ABHD8: variants seen among roughly 807,000 people sequenced by gnomAD.
ABHD8 encodes abhydrolase domain containing 8, also known as protein ABHD8.
A neutral mutation model predicts 29.3 loss-of-function variants in ABHD8; 10 were observed. The ratio of observed to expected loss-of-function variants is 0.34; its 90% CI spans 0.21 to 0.58. The LOEUF is 0.58. Among genes scored for constraint, ABHD8 ranks in the 20% least tolerant of loss-of-function variants. ABHD8 has a pLI of 0.85. For synonymous variants in ABHD8, 282 were observed against 274.6 expected (o/e 1.03, Z -0.27); for missense variants, 556 against 615.3 (o/e 0.90, Z 1.02).
In ABHD8 at chr19:17,300,906, G is replaced by A. The variant is rs2074114266; in HGVS notation, c.711C>T (p.Ile237=). The change falls in exon 2 of 5, where the codon ATC becomes ATT. Residue 237 remains isoleucine, a synonymous_variant. Coordinates refer to ENST00000247706, the MANE Select transcript of ABHD8 (RefSeq NM_024527.5). ...TTCGCTTCTTGGCATAGCGCTTGAA[G>A]ATTGCTCGCATGTCCTCAGCCAGCG... is the stretch of plus-strand genomic sequence containing the variant. The part of the protein sequence containing the change: ...FYALAEDMRA[I]FKRYAKKRNV... The A allele has an allele frequency of 1.2e-6, 2 of 1,607,640 alleles. No individual in the cohort carries two copies. Among genetic ancestry groups the A allele is most frequent in the Non-Finnish European group, 1.7e-6 (2 of 1,175,662 alleles).
chr19:17,299,803 T>C (rs1157806752), intron 2 of ABHD8, among the ~76,000 whole-genome samples: 1 of 152,100 alleles, frequency 6.6e-6, no homozygotes, highest in Non-Finnish European at 1.5e-5. Context: ...CTTTGTTTTG[T>C]TTTAGGAGAT....
chr19:17,301,684 A>C, intron 1 of ABHD8, 60 bp from the exon 2 acceptor site: 1 of 1,459,572 alleles, frequency 6.9e-7, no homozygotes, highest in Non-Finnish European at 9.0e-7. Flanking sequence ...TGCACCGTGC[A>C]GCAGGCACTC....
intron 4 of ABHD8, 42 bp from the exon 5 acceptor site, chr19:17,292,873 G>A (rs772120634): frequency 6.3e-7 from 1 of 1,585,800 alleles, no homozygotes; most frequent in East Asian, 2.3e-5. Flanking sequence ...GGGCAAGAGG[G>A]TGGAGAGAGG....
chr19:17,295,572 A>G (rs1295489341), intron 2 of ABHD8, among the ~76,000 whole-genome samples: 1 of 151,732 alleles, frequency 6.6e-6, no homozygotes, highest in African/African-American at 2.4e-5. Flanking sequence ...ACACCTGGCT[A>G]ATTTTTGTAT....
At chr19:17,294,169 G>T (rs2074082882) in intron 4 of ABHD8, 119 bp downstream of exon 4, 1 of 1,275,202 alleles carries the variant, frequency 7.8e-7, no homozygotes, top group Non-Finnish European at 1.1e-6. Context: ...CGGCAGCCAC[G>T]CCCCCTCGGG....
intron 2 of ABHD8, among the ~76,000 whole-genome samples, chr19:17,299,238 C>CCA (rs902946679): frequency 1.4e-5 from 2 of 140,016 alleles, no homozygotes; most frequent in African/African-American, 2.5e-5. Context: ...AATGAGACCC[C>CCA]CCCCCCATTC....
rs759068394 is a variant in ABHD8, at chr19:17,301,598, C to G, written c.19G>C (p.Asp7His). 3 of 1,553,998 alleles carry G rather than the reference C, an allele frequency of 1.9e-6. No individual in the cohort carries two copies. The highest frequency in any genetic ancestry group is 1.8e-5 in the Admixed American group (1 of 56,600). Reference protein sequence around the residue: MLTGVTDGIFCCLLGTP... With the variant: MLTGVTHGIFCCLLGTP... ...CCCAGCAGGCAACAGAAGATACCGT[C>G]GGTCACCCCGGTCAGCATGGTGTGT... The change falls in exon 2 of 5, where the codon GAC (aspartate) becomes CAC (histidine). Residue 7 changes from aspartate (D) to histidine (H), a missense_variant. Coordinates refer to ENST00000247706, the MANE Select transcript of ABHD8 (RefSeq NM_024527.5).
At chr19:17,297,744 C>CTTTTTTTTTTTTTTTTTT (rs71334702) in intron 2 of ABHD8, 1 of 130,264 alleles carries the variant, frequency 7.7e-6, no homozygotes, top group African/African-American at 2.8e-5. Context: ...GTTTTCTTTT[C>CTTTTTTTTTTTTTTTTTT]TTTTTTTTTT....
At position 17,292,579 on chromosome 19, in the gene ABHD8, T is replaced by G; in HGVS notation, c.*82A>C. On this transcript the variant is annotated 3_prime_UTR_variant, in exon 5 of 5. Coordinates refer to ENST00000247706, the MANE Select transcript of ABHD8 (RefSeq NM_024527.5). The stretch of plus-strand genomic sequence containing the variant: ...CGGAGCGAACGGCCCGCCCAGGTGG[T>G]CTGCGCTGCAGACCTGGCGCAGGCT... 1 of 1,418,668 alleles carries G rather than the reference T, an allele frequency of 7.0e-7. No individual in the cohort carries two copies. Among genetic ancestry groups the G allele is most frequent in the Non-Finnish European group, 9.3e-7 (1 of 1,076,880 alleles). 87.9% of individuals were successfully genotyped at this position (1,418,668 alleles called of 1,614,324 possible).
intron 2 of ABHD8, chr19:17,297,744 C>CTTTTTTTTTTTTTTTTCTTTT (rs71334702): frequency 7.7e-6 from 1 of 130,262 alleles, no homozygotes; most frequent in Non-Finnish European, 1.7e-5. Flanking sequence ...GTTTTCTTTT[C>CTTTTTTTTTTTTTTTTCTTTT]TTTTTTTTTT....
rs540590711 is a variant in ABHD8 at position 17,295,261 on chromosome 19, G to T, written c.762-416C>A. ...GCTGGGACTACAGGCGCCCGCCACC[G>T]CGCCCGGCTAATTTTTTGTATTTTT... On this transcript the variant is annotated intron_variant, in intron 2 of 4. Transcript: ENST00000247706. Among the ~76,000 whole-genome samples the T allele has an allele frequency of 5.8e-3, 863 of 149,920 alleles. 11 individuals carry two copies. The highest frequency in any genetic ancestry group is 0.02 in the African/African-American group (828 of 40,692).
intron 1 of ABHD8, 150 bp from the exon 2 acceptor site, chr19:17,301,774 GTT>G (rs1491389857): frequency 4.9e-5 from 38 of 772,188 alleles, no homozygotes; most frequent in African/African-American, 9.7e-5. Flanking sequence ...AGATTTTTTT[GTT>G]TGTGTGTGTG....
intron 4 of ABHD8, 138 bp downstream of exon 4, chr19:17,294,150 A>T (rs530828163): frequency 5.7e-6 from 6 of 1,055,232 alleles, no homozygotes; most frequent in East Asian, 2.6e-5. Context: ...ACTAGAGGCC[A>T]CGCCCACCCG....
In ABHD8 at chr19:17,301,031, C is replaced by A; in HGVS notation, c.586G>T (p.Asp196Tyr). ...TCATAGCCTAGGCGCACAAAGAAGT[C>A]CAGCTGCTCCTTCCAGATGGCCAGG... ...GSLAIWKEQL[D>Y]FFVRLGYEVV... Residue 196 changes from aspartate to tyrosine, a missense_variant, in exon 2 of 5, where the codon GAC (aspartate) becomes TAC (tyrosine). Physicochemically the swap from Asp to Tyr is radical, Grantham distance 160. Around this residue, in one of 2 missense-constraint regions of ABHD8, gnomAD observed 270 missense variants for 353.9 expected, o/e 0.76. Transcript: ENST00000247706. The A allele has an allele frequency of 1.2e-6, 2 of 1,613,508 alleles. No homozygotes were observed. The highest frequency in any genetic ancestry group is 2.2e-5 in the South Asian group (2 of 91,090).
chr19:17,300,766 C>G, intron 2 of ABHD8, 90 bp downstream of exon 2: 1 of 1,467,394 alleles, frequency 6.8e-7, no homozygotes, highest in Non-Finnish European at 9.2e-7. Flanking sequence ...GCGTGAGCCA[C>G]GGGGCTCAGC....
At chr19:17,300,757 C>A (rs71338623) in intron 2 of ABHD8, 99 bp downstream of exon 2, 1 of 1,415,894 alleles carries the variant, frequency 7.1e-7, no homozygotes, top group Non-Finnish European at 9.6e-7. Context: ...GGATTACAGG[C>A]GTGAGCCACG....
intron 2 of ABHD8, among the ~76,000 whole-genome samples, chr19:17,300,169 G>A (rs530955894): frequency 6.6e-6 from 1 of 152,180 alleles, no homozygotes; most frequent in Non-Finnish European, 1.5e-5. Context: ...CTCCCAAAGT[G>A]CTGGGATTAC....
chr19:17,300,794 G>T, intron 2 of ABHD8, 62 bp downstream of exon 2: 1 of 1,509,982 alleles, frequency 6.6e-7, no homozygotes, highest in Non-Finnish European at 8.9e-7. Context: ...TCAGTATTTT[G>T]TGACTGTAGT....
chr19:17,299,080 G>C (rs1352656063), intron 2 of ABHD8, among the ~76,000 whole-genome samples: 1 of 152,118 alleles, frequency 6.6e-6, no homozygotes, highest in African/African-American at 2.4e-5. Flanking sequence ...AACAATATCA[G>C]TGATGACGGA....
Sources: allele counts gnomAD v4.1 joint callset (sites outside exome capture counted in the v4.1 genomes callset), GRCh38; gene constraint gnomAD v4.1.1; regional missense constraint gnomAD v4.1.1; transcripts MANE v1.5; gene names NCBI Gene and HGNC (gene_info 2026-07-23, HGNC 2026-07-21).